The following VPS45 variants were observed in gnomAD, a reference collection of about 807,000 sequenced individuals.
VPS45 encodes vacuolar protein sorting 45 homolog.
Under a neutral mutation model 75.9 loss-of-function variants are expected in VPS45, and 35 were observed. The ratio of observed to expected loss-of-function variants is 0.46; its 90% CI spans 0.35 to 0.61. The LOEUF is 0.61. VPS45 is among the 20% of genes least tolerant of loss of function. VPS45 has a pLI of 0.00. For missense variants in VPS45, 559 were observed against 685.9 expected, an observed-to-expected ratio of 0.81 and a Z score of 2.07; for synonymous variants, 220 against 238.2, an observed-to-expected ratio of 0.92 and a Z score of 0.70.
At chr1:150,095,761 A>G (rs1457287401) in intron 13 of VPS45, among the ~76,000 whole-genome samples, 1 of 152,174 alleles carries the variant, frequency 6.6e-6, no homozygotes, top group African/African-American at 2.4e-5. Context: ...ATAGTGAATA[A>G]GGAGGAAATA....
chr1:150,079,501 A>T (rs1337273729), intron 7 of VPS45, among the ~76,000 whole-genome samples: 1 of 152,168 alleles, frequency 6.6e-6, no homozygotes, highest in Non-Finnish European at 1.5e-5. Flanking sequence ...CCCAGGTTCA[A>T]GCAATTCTCA....
intron 14 of VPS45, among the ~76,000 whole-genome samples, chr1:150,120,522 T>G (rs1409037868): frequency 6.6e-6 from 1 of 152,180 alleles, no homozygotes; most frequent in African/African-American, 2.4e-5. Context: ...AAGATATAGG[T>G]CCCTTAGATC....
chr1:150,076,396 C>A, intron 4 of VPS45, 84 bp downstream of exon 4: 1 of 1,148,190 alleles, frequency 8.7e-7, no homozygotes, highest in Admixed American at 2.3e-5. Context: ...AAGGAAAGGT[C>A]TGTCTCAAAA....
intron 14 of VPS45, among the ~76,000 whole-genome samples, chr1:150,143,600 A>AG (rs1491321685): frequency 6.8e-6 from 1 of 146,690 alleles, no homozygotes; most frequent in Non-Finnish European, 1.5e-5. Context: ...AAAAAAAAAA[A>AG]GAAGATTTCA....
At chr1:150,133,230 G>GC (rs587760525) in intron 14 of VPS45, among the ~76,000 whole-genome samples, 1 of 152,014 alleles carries the variant, frequency 6.6e-6, no homozygotes, top group Non-Finnish European at 1.5e-5. Flanking sequence ...CTCCTTTGGG[G>GC]CCCCCCAGAG....
intron 12 of VPS45, among the ~76,000 whole-genome samples, chr1:150,093,214 T>G (rs1656441004): frequency 6.6e-6 from 1 of 152,112 alleles, no homozygotes; most frequent in African/African-American, 2.4e-5. Flanking sequence ...TACATAATCC[T>G]TTCCTTTTAT....
chr1:150,136,967 C>T (rs1268527644), intron 14 of VPS45, among the ~76,000 whole-genome samples: 3 of 152,080 alleles, frequency 2.0e-5, no homozygotes, highest in Admixed American at 6.5e-5. Flanking sequence ...GGTGCCATCT[C>T]GGCTCACTGC....
chr1:150,112,019 C>T (rs1657676516), intron 14 of VPS45, among the ~76,000 whole-genome samples: 1 of 152,074 alleles, frequency 6.6e-6, no homozygotes, highest in African/African-American at 2.4e-5. Context: ...CCTGATTTCC[C>T]TCTTACTATT....
At chr1:150,132,093 G>C (rs781808983) in intron 14 of VPS45, among the ~76,000 whole-genome samples, 11 of 152,138 alleles carry the variant, frequency 7.2e-5, no homozygotes, top group Non-Finnish European at 1.6e-4. Context: ...CTTACATTAA[G>C]TCAGTGACAG....
intron 14 of VPS45, among the ~76,000 whole-genome samples, chr1:150,128,060 G>A (rs1553811194): frequency 6.6e-6 from 1 of 152,054 alleles, no homozygotes; most frequent in African/African-American, 2.4e-5. Flanking sequence ...CCACACTTTG[G>A]GAGGCCGGGG....
chr1:150,136,543 G>A (rs186448747), intron 14 of VPS45, among the ~76,000 whole-genome samples: 19 of 151,934 alleles, frequency 1.3e-4, no homozygotes, highest in East Asian at 1.9e-4. Context: ...CAACGAGAGC[G>A]AAACTCCATC....
chr1:150,097,221 G>T (rs1287381385), intron 13 of VPS45, among the ~76,000 whole-genome samples: 1 of 151,392 alleles, frequency 6.6e-6, no homozygotes, highest in Non-Finnish European at 1.5e-5. Flanking sequence ...GAGTAGCTGG[G>T]ATTACAGGTG....
chr1:150,100,154 A>G (rs1475655490), intron 13 of VPS45, among the ~76,000 whole-genome samples: 1 of 152,244 alleles, frequency 6.6e-6, no homozygotes, highest in Non-Finnish European at 1.5e-5. Context: ...ATACAAGTCA[A>G]TGTACAAAAA....
rs587628411 is a variant in VPS45, at chr1:150,098,274, GAAGT to G, written c.1493+4632_1493+4635del. On this transcript the variant is annotated intron_variant, in intron 13 of 14. Coordinates refer to ENST00000644510, the MANE Select transcript of VPS45 (RefSeq NM_007259.5). ...TTATTGTATTAGGTATTGTAATCTTGAAGTAAGTATTATGTTTTGTTAATCTTTG... is the reference window on the plus strand; with the variant it reads ...TTATTGTATTAGGTATTGTAATCTTGAAGTATTATGTTTTGTTAATCTTTG... Among the ~76,000 whole-genome samples, 158 of 152,320 alleles carry G rather than the reference GAAGT, an allele frequency of 1.0e-3. 2 individuals carry two copies. Among genetic ancestry groups the G allele is most frequent in the Admixed American group, 9.9e-3 (151 of 15,298 alleles).
intron 13 of VPS45, among the ~76,000 whole-genome samples, chr1:150,102,993 A>C (rs916479419): frequency 8.9e-4 from 136 of 152,264 alleles, no homozygotes; most frequent in Non-Finnish European, 1.2e-3. Flanking sequence ...ACAAACCTTC[A>C]CATGTACCCC....
intron 14 of VPS45, among the ~76,000 whole-genome samples, chr1:150,139,554 T>C (rs1553814726): frequency 6.9e-6 from 1 of 145,976 alleles, no homozygotes; most frequent in Non-Finnish European, 1.5e-5. Context: ...ATTGATGAAC[T>C]CTCTTTTTTT....
At chr1:150,082,690 T>A in intron 9 of VPS45, 26 bp from the exon 10 acceptor site, 1 of 1,602,548 alleles carries the variant, frequency 6.2e-7, no homozygotes, top group Non-Finnish European at 8.5e-7. Flanking sequence ...TAACAGAACC[T>A]CCCATTGATG....
chr1:150,077,056 T>C, intron 5 of VPS45, 38 bp from the exon 6 acceptor site: 1 of 1,613,150 alleles, frequency 6.2e-7, no homozygotes, highest in African/African-American at 1.3e-5. Flanking sequence ...AAGAGAAAAT[T>C]CAAATATTTT....
At chr1:150,129,878 G>T (rs1287000516) in intron 14 of VPS45, among the ~76,000 whole-genome samples, 4 of 150,146 alleles carry the variant, frequency 2.7e-5, no homozygotes, top group East Asian at 2.0e-4. Flanking sequence ...TTAAGATGGG[G>T]TCTTGCTCTG....
Sources: allele counts gnomAD v4.1 joint callset (sites outside exome capture counted in the v4.1 genomes callset), GRCh38; gene constraint gnomAD v4.1.1; transcripts MANE v1.5; gene names NCBI Gene and HGNC (gene_info 2026-07-23, HGNC 2026-07-21).